PRKAG2: variants seen among roughly 807,000 people sequenced by gnomAD.
PRKAG2 encodes the protein 5'-AMP-activated protein kinase subunit gamma-2.
A neutral mutation model predicts 69.6 loss-of-function variants in PRKAG2; 26 were observed. The ratio of observed to expected loss-of-function variants is 0.37; its 90% CI spans 0.27 to 0.52. PRKAG2 has a LOEUF of 0.52. Among genes scored for constraint, PRKAG2 ranks in the 20% least tolerant of loss-of-function variants. The probability of loss-of-function intolerance (pLI) is 0.90; values close to 1 mark genes in which losing one functional copy is unlikely to be tolerated. For synonymous variants in PRKAG2, 293 were observed against 285.0 expected (o/e 1.03, Z -0.28); for missense variants, 557 against 740.0 (o/e 0.75, Z 2.87).
chr7:151,641,244 C>CTTTTTTTTTTTTTTTTTT (rs374667332), intron 4 of PRKAG2, among the ~76,000 whole-genome samples: 4 of 105,690 alleles, frequency 3.8e-5, no homozygotes, highest in East Asian at 7.0e-4. Flanking sequence ...TTCTTTTTTC[C>CTTTTTTTTTTTTTTTTTT]TTTTTTTTTT....
chr7:151,638,144 G>A lies in PRKAG2; in HGVS notation c.685-6006C>T, dbSNP rs1193489679. 6.6e-6 allele frequency among the ~76,000 whole-genome samples: 1 copy of A among 152,166 alleles called. No individual in the cohort carries two copies. The highest frequency in any genetic ancestry group is 2.4e-5 in the African/African-American group (1 of 41,428). On this transcript the variant is annotated intron_variant, in intron 4 of 15. Coordinates refer to ENST00000287878, the MANE Select transcript of PRKAG2 (RefSeq NM_016203.4). This position sits in a 1 kb window ranked among gnomAD's most constrained non-coding sequence, Gnocchi z 4.3. ...GAACAAAATGGGCCAACCATGGCAG[G>A]GAGGAACTGGGTTCTGCTAACAGCC... is the stretch of plus-strand genomic sequence containing the variant.
At chr7:151,660,335 T>C (rs1428093488) in intron 4 of PRKAG2, among the ~76,000 whole-genome samples, 3 of 152,186 alleles carry the variant, frequency 2.0e-5, no homozygotes, top group African/African-American at 7.2e-5. Context: ...GGCAAATGAC[T>C]CAGAAACGTT....
intron 1 of PRKAG2, among the ~76,000 whole-genome samples, chr7:151,872,797 GT>G: frequency 6.6e-6 from 1 of 152,352 alleles, no homozygotes; most frequent in East Asian, 1.9e-4. Context: ...GTAAGAGGCA[GT>G]CCACCAAGGC....
chr7:151,745,737 T>A (rs1408458879), intron 3 of PRKAG2, among the ~76,000 whole-genome samples: 2 of 152,210 alleles, frequency 1.3e-5, no homozygotes, highest in Non-Finnish European at 2.9e-5. Flanking sequence ...GCAATAATTA[T>A]TTTTAGCATG....
chr7:151,641,385 C>A (rs1286786463), intron 4 of PRKAG2, among the ~76,000 whole-genome samples: 2 of 150,502 alleles, frequency 1.3e-5, no homozygotes, highest in African/African-American at 4.9e-5. Flanking sequence ...GTAGCTGGGA[C>A]TACAGGCGCA....
Position 151,876,764 on chromosome 7 carries a change from G to C in PRKAG2, c.-144C>G, listed in dbSNP as rs1410369061. Reference sequence around the variant, plus strand: ...GTGGGGACTTCCGCGGAGAGGGAGGGTGAGCAGGGAACTCGCGCGGCCGCC... The same window carrying C: ...GTGGGGACTTCCGCGGAGAGGGAGGCTGAGCAGGGAACTCGCGCGGCCGCC... On this transcript the variant is annotated 5_prime_UTR_variant, in exon 1 of 16. Transcript: ENST00000287878. 1.2e-6 allele frequency: 1 copy of C among 820,002 alleles called. No individual in the cohort carries two copies. The highest frequency in any genetic ancestry group is 1.4e-5 in the South Asian group (1 of 68,994). 50.8% of individuals were successfully genotyped at this position (820,002 alleles called of 1,614,324 possible).
chr7:151,601,564 AG>A (rs1816074624), intron 5 of PRKAG2, among the ~76,000 whole-genome samples: 1 of 152,134 alleles, frequency 6.6e-6, no homozygotes, highest in South Asian at 2.1e-4. Context: ...CCTGGAGTGA[AG>A]CTATGAGGGA....
At chr7:151,846,354 G>T (rs1279231338) in intron 1 of PRKAG2, among the ~76,000 whole-genome samples, 1 of 152,110 alleles carries the variant, frequency 6.6e-6, no homozygotes, top group Non-Finnish European at 1.5e-5. Flanking sequence ...TGTAATCCCA[G>T]CTACTCAGGA....
intron 11 of PRKAG2, among the ~76,000 whole-genome samples, chr7:151,566,794 C>A (rs1295465694): frequency 6.6e-6 from 1 of 152,000 alleles, no homozygotes; most frequent in African/African-American, 2.4e-5. Flanking sequence ...TAGGCTTAGG[C>A]TAATTTTCAA....
At chr7:151,664,547 A>G (rs1830759535) in intron 4 of PRKAG2, among the ~76,000 whole-genome samples, 1 of 151,742 alleles carries the variant, frequency 6.6e-6, no homozygotes, top group Non-Finnish European at 1.5e-5. Flanking sequence ...GTCATCTCAC[A>G]CTCACTTTGC....
chr7:151,747,471 C>A (rs1229531320), intron 3 of PRKAG2, among the ~76,000 whole-genome samples: 2 of 152,032 alleles, frequency 1.3e-5, no homozygotes, highest in African/African-American at 4.8e-5. Context: ...GCAGGAGAAT[C>A]GCTTGAACCT....
At chr7:151,636,376 G>A (rs541190544) in intron 4 of PRKAG2, among the ~76,000 whole-genome samples, 3 of 152,242 alleles carry the variant, frequency 2.0e-5, no homozygotes, top group Non-Finnish European at 2.9e-5. Context: ...TGGATTTGCC[G>A]ATGCTGGGTA....
chr7:151,863,260 C>T (rs746211920), intron 1 of PRKAG2, among the ~76,000 whole-genome samples: 34 of 151,212 alleles, frequency 2.2e-4, no homozygotes, highest in Non-Finnish European at 3.8e-4. Context: ...GGTAAGTCCC[C>T]GGGTACAGGG....
rs918557314 is a variant in PRKAG2 at position 151,659,069 on chromosome 7, T to C, written c.684+16351A>G. On this transcript the variant is annotated intron_variant, in intron 4 of 15. Coordinates refer to ENST00000287878, the MANE Select transcript of PRKAG2 (RefSeq NM_016203.4). ...TGCCTGAGCAATCAACCATGATTCA[T>C]AGTAACTTGCTACAGTGCTGTTTGA... Among the ~76,000 whole-genome samples, 4 of 152,356 alleles carry C rather than the reference T, an allele frequency of 2.6e-5. No homozygotes were observed. The South Asian group carries it at 6.2e-4, about 24-fold the overall frequency.
intron 3 of PRKAG2, among the ~76,000 whole-genome samples, chr7:151,731,535 T>TGTGTGTGTGTGTGTGTGTGTGTGTGTGC (rs10689682): frequency 2.0e-5 from 3 of 151,582 alleles, no homozygotes; most frequent in African/African-American, 7.3e-5. Context: ...TGTGTGTGTG[T>TGTGTGTGTGTGTGTGTGTGTGTGTGTGC]GCGCACAGGT....
chr7:151,731,043 C>T (rs190322304), intron 3 of PRKAG2, among the ~76,000 whole-genome samples: 4 of 152,326 alleles, frequency 2.6e-5, no homozygotes, highest in Admixed American at 6.5e-5. Context: ...CCTTAAGACG[C>T]TAAATGGTTT....
chr7:151,645,279 C>A (rs1318125523), intron 4 of PRKAG2, among the ~76,000 whole-genome samples: 1 of 152,236 alleles, frequency 6.6e-6, no homozygotes, highest in Non-Finnish European at 1.5e-5. Flanking sequence ...GTGAAGCAAG[C>A]TGCCATGCGG....
chr7:151,613,034 G>C (rs1050383771), intron 5 of PRKAG2, among the ~76,000 whole-genome samples: 2 of 152,184 alleles, frequency 1.3e-5, no homozygotes, highest in African/African-American at 2.4e-5. Flanking sequence ...CAGCCGATGT[G>C]TCCCACACTC....
chr7:151,720,572 G>A (rs992343385), intron 3 of PRKAG2, among the ~76,000 whole-genome samples: 1 of 149,398 alleles, frequency 6.7e-6, no homozygotes, highest in African/African-American at 2.5e-5. Flanking sequence ...GCACCGTCAA[G>A]CTCTAGAAAA....
Sources: gnomAD v4.1 joint callset for allele counts (sites outside exome capture counted in the v4.1 genomes callset) on GRCh38, gnomAD v4.1.1 for gene constraint, Gnocchi (gnomAD v3.1) non-coding constraint, MANE v1.5 for transcripts, NCBI Gene and HGNC (gene_info 2026-07-23, HGNC 2026-07-21) for gene names.